TRIM24: variants seen among roughly 807,000 people sequenced by gnomAD.
The protein encoded by TRIM24 is tripartite motif containing 24, also known as transcription intermediary factor 1-alpha.
In TRIM24, 29 loss-of-function variants were observed where a neutral mutation model predicts 123.9. That is an observed-to-expected ratio of 0.23 (90% CI 0.17 to 0.32). TRIM24 has a LOEUF of 0.32. TRIM24 is among the 10% of genes least tolerant of loss of function. The pLI is 1.00. For synonymous variants in TRIM24, 456 were observed against 461.1 expected (o/e 0.99, Z 0.14); for missense variants, 932 against 1,295.3 (o/e 0.72, Z 4.31).
chr7:138,525,824 C>CGCA (rs1468378042), intron 5 of TRIM24, among the ~76,000 whole-genome samples: 20 of 152,060 alleles, frequency 1.3e-4, no homozygotes, highest in Non-Finnish European at 2.4e-4. Flanking sequence ...TAAACTGTTC[C>CGCA]GCACACTTTT....
chr7:138,492,273 C>CAAAAAAA (rs34380067), intron 1 of TRIM24, among the ~76,000 whole-genome samples: 21 of 60,002 alleles, frequency 3.5e-4, no homozygotes, highest in African/African-American at 1.6e-3. Context: ...ACTCTGTCTC[C>CAAAAAAA]AAAAAAAAAA....
chr7:138,530,242 A>T (rs79546774), intron 6 of TRIM24, among the ~76,000 whole-genome samples: 10 of 152,004 alleles, frequency 6.6e-5, no homozygotes, highest in Middle Eastern at 3.4e-3. Flanking sequence ...AAAAAAAAAA[A>T]TTTAAGTACA....
At chr7:138,469,023 G>T (rs1159651428) in intron 1 of TRIM24, among the ~76,000 whole-genome samples, 2 of 152,120 alleles carry the variant, frequency 1.3e-5, no homozygotes, top group Non-Finnish European at 2.9e-5. Flanking sequence ...TCACAGTACT[G>T]CATTGCCTTT....
chr7:138,481,420 G>T (rs146744221), intron 1 of TRIM24, among the ~76,000 whole-genome samples: 1 of 151,868 alleles, frequency 6.6e-6, no homozygotes, highest in Non-Finnish European at 1.5e-5. Context: ...TTATATTCTC[G>T]CTATCTTCTT....
Position 138,551,433 on chromosome 7 carries a change from G to A in TRIM24, c.1261+253G>A, listed in dbSNP as rs143405551. On this transcript the variant is annotated intron_variant, in intron 8 of 18. Coordinates refer to ENST00000343526, the MANE Select transcript of TRIM24 (RefSeq NM_015905.3). Reference sequence around the variant, plus strand: ...GTAGTGGCACATGCCTGTAGTCCCAGCTACTTGGAAGGCTGATGCTGGAGG... The same window carrying A: ...GTAGTGGCACATGCCTGTAGTCCCAACTACTTGGAAGGCTGATGCTGGAGG... Among the ~76,000 whole-genome samples, 22 of 152,272 alleles carry A rather than the reference G, an allele frequency of 1.4e-4. No homozygotes were observed. The East Asian group carries it at 4.1e-3, about 28-fold the overall frequency.
intron 1 of TRIM24, among the ~76,000 whole-genome samples, chr7:138,494,396 G>T (rs537793857): frequency 8.2e-4 from 125 of 151,942 alleles, no homozygotes; most frequent in African/African-American, 2.9e-3. Flanking sequence ...TAGGATTACA[G>T]GCATGAGCCA....
rs552705857 is a variant in TRIM24 at position 138,466,610 on chromosome 7, C to T, written c.364+5698C>T. 3.8e-4 allele frequency among the ~76,000 whole-genome samples: 57 copies of T among 151,874 alleles called. 1 individual carries two copies. The South Asian group carries it at 9.2e-3, about 24-fold the overall frequency. On this transcript the variant is annotated intron_variant, in intron 1 of 18. Transcript: ENST00000343526. Reference sequence around the variant, plus strand: ...GCTCAAGTGATCACCCATCTCGTCTCCCAAAGTGCTGGGATTATGGGCGTG... The same window carrying T: ...GCTCAAGTGATCACCCATCTCGTCTTCCAAAGTGCTGGGATTATGGGCGTG...
intron 3 of TRIM24, 115 bp from the exon 4 acceptor site, chr7:138,519,074 T>C (rs1341373344): frequency 3.4e-6 from 4 of 1,191,910 alleles, no homozygotes; most frequent in Middle Eastern, 2.7e-4. Flanking sequence ...TGGTATAGTA[T>C]AGGTGAAGCT....
intron 1 of TRIM24, among the ~76,000 whole-genome samples, chr7:138,486,851 T>G (rs1440790458): frequency 1.3e-5 from 2 of 152,188 alleles, no homozygotes; most frequent in Non-Finnish European, 2.9e-5. Context: ...AACTTTAAAG[T>G]AGTTTTTTTC....
chr7:138,497,085 C>T (rs1026975524), intron 1 of TRIM24, among the ~76,000 whole-genome samples: 2 of 152,048 alleles, frequency 1.3e-5, no homozygotes, highest in South Asian at 2.1e-4. Flanking sequence ...TAATACTGGC[C>T]TCATAAAATA....
chr7:138,488,695 G>T (rs1356894582), intron 1 of TRIM24, among the ~76,000 whole-genome samples: 1 of 152,182 alleles, frequency 6.6e-6, no homozygotes, highest in Non-Finnish European at 1.5e-5. Flanking sequence ...TAATTTGATT[G>T]CACAGTGGTC....
At chr7:138,503,101 A>G (rs1012063864) in intron 1 of TRIM24, among the ~76,000 whole-genome samples, 5 of 152,096 alleles carry the variant, frequency 3.3e-5, no homozygotes, top group African/African-American at 1.2e-4. Flanking sequence ...CCCTTTTCCC[A>G]CTGATTTCTA....
chr7:138,478,356 T>G (rs2116471533), intron 1 of TRIM24, among the ~76,000 whole-genome samples: 1 of 151,510 alleles, frequency 6.6e-6, no homozygotes, highest in East Asian at 2.0e-4. Context: ...GGTAAATTAT[T>G]TTGTTTTGGG....
At chr7:138,477,124 C>A (rs1158034637) in intron 1 of TRIM24, among the ~76,000 whole-genome samples, 1 of 151,854 alleles carries the variant, frequency 6.6e-6, no homozygotes, top group East Asian at 1.9e-4. Context: ...ATCTCCATGA[C>A]AATAAGAAAA....
intron 1 of TRIM24, among the ~76,000 whole-genome samples, chr7:138,467,137 G>T (rs1795160289): frequency 6.6e-6 from 1 of 152,002 alleles, no homozygotes; most frequent in Admixed American, 6.6e-5. Flanking sequence ...AATGTTTTTT[G>T]ATTACAGTAC....
intron 16 of TRIM24, 67 bp from the exon 17 acceptor site, chr7:138,581,630 T>C: frequency 7.3e-7 from 1 of 1,372,446 alleles, no homozygotes; most frequent in Non-Finnish European, 1.0e-6. Context: ...GAGATTGTTA[T>C]TTAAAATAAG....
chr7:138,529,212 T>A lies in TRIM24; in HGVS notation c.978T>A (p.Ala326=). Residue 326 remains alanine (A), a synonymous_variant, in exon 6 of 19, where the codon GCT becomes GCA. Transcript: ENST00000343526. The part of the protein sequence containing the change: ...LMVEINKKGK[A]LLHQLESLAK... ...TAGAAATAAATAAAAAAGGAAAAGC[T>A]CTACTGCATCAGTTAGAGGTAAGTG... 1 of 1,551,030 alleles carries A rather than the reference T, an allele frequency of 6.4e-7. No individual in the cohort carries two copies. Among genetic ancestry groups the A allele is most frequent in the Non-Finnish European group, 8.7e-7 (1 of 1,148,446 alleles).
chr7:138,563,398 CCT>C (rs1797467360), intron 9 of TRIM24, among the ~76,000 whole-genome samples: 1 of 152,176 alleles, frequency 6.6e-6, no homozygotes, highest in Non-Finnish European at 1.5e-5. Flanking sequence ...GGCTTTTGAG[CCT>C]CTGTCTGGTT....
intron 6 of TRIM24, among the ~76,000 whole-genome samples, chr7:138,530,224 C>CT (rs1169103567): frequency 1.3e-5 from 2 of 148,880 alleles, no homozygotes; most frequent in Non-Finnish European, 3.0e-5. Context: ...AGGTCTGTGA[C>CT]TTTAAAAAAA....
Sources: allele counts gnomAD v4.1 joint callset (sites outside exome capture counted in the v4.1 genomes callset), GRCh38; gene constraint gnomAD v4.1.1; transcripts MANE v1.5; gene names NCBI Gene and HGNC (gene_info 2026-07-23, HGNC 2026-07-21).